PRKN: variants seen among roughly 807,000 people sequenced by gnomAD.
PRKN encodes the protein E3 ubiquitin-protein ligase parkin.
A neutral mutation model predicts 59.5 loss-of-function variants in PRKN; 56 were observed. The ratio of observed to expected loss-of-function variants is 0.94; its 90% confidence interval spans 0.76 to 1.18. The LOEUF (loss-of-function observed/expected upper bound fraction) is 1.18. Among genes scored for constraint, PRKN ranks in the 50% most tolerant of loss-of-function variants. The probability of loss-of-function intolerance (pLI) is 0.00; values close to 1 mark genes in which losing one functional copy is unlikely to be tolerated. For missense variants in PRKN, 657 were observed against 596.4 expected, an observed-to-expected ratio of 1.10 and a Z score of -1.06; for synonymous variants, 250 against 222.1, an observed-to-expected ratio of 1.13 and a Z score of -1.12.
At chr6:161,616,791 G>C (rs543000651) in intron 7 of PRKN, among the ~76,000 whole-genome samples, 1 of 152,222 alleles carries the variant, frequency 6.6e-6, no homozygotes, top group South Asian at 2.1e-4. Context: ...TGTCACATTT[G>C]CTTTATCCAG....
intron 2 of PRKN, among the ~76,000 whole-genome samples, chr6:162,382,584 C>T (rs888813481): frequency 3.3e-5 from 5 of 152,172 alleles, no homozygotes; most frequent in Admixed American, 6.5e-5. Context: ...CAACTGTAAT[C>T]TTTTTGCTCA....
At chr6:162,449,180 C>G (rs138785953) in intron 1 of PRKN, among the ~76,000 whole-genome samples, 1 of 152,182 alleles carries the variant, frequency 6.6e-6, no homozygotes, top group Non-Finnish European at 1.5e-5. Flanking sequence ...AGCCACCACA[C>G]CTGGCCCTCA....
rs1792197805 is a variant in PRKN, at chr6:161,825,361, TC to T, written c.735-39454del. ...TTTGCATTCTGTTTCTTAAAGAAGG[TC>T]TCCCAAATGGTGTAATTTAAGATCC... On this transcript the variant is annotated intron_variant, in intron 6 of 11. Transcript: ENST00000366898. 3.3e-5 allele frequency among the ~76,000 whole-genome samples: 5 copies of T among 152,056 alleles called. No homozygotes were observed. In the East Asian group the frequency reaches 9.7e-4, roughly 29 times the overall value.
At chr6:161,564,406 C>G (rs1389439157) in intron 8 of PRKN, among the ~76,000 whole-genome samples, 1 of 152,170 alleles carries the variant, frequency 6.6e-6, no homozygotes, top group Non-Finnish European at 1.5e-5. Context: ...CCAGCTGCCC[C>G]AAACCCTGAG....
intron 3 of PRKN, among the ~76,000 whole-genome samples, chr6:162,237,792 TA>T (rs11377179): frequency 0.018 from 2,585 of 145,672 alleles, 68 homozygotes; most frequent in African/African-American, 0.056. Context: ...GATATTTGGT[TA>T]AAAAAAAAAA....
At chr6:162,381,895 G>C (rs1210371021) in intron 2 of PRKN, among the ~76,000 whole-genome samples, 3 of 152,064 alleles carry the variant, frequency 2.0e-5, no homozygotes, top group Non-Finnish European at 4.4e-5. Context: ...AACAGAATAA[G>C]GAAAACTGCA....
At chr6:162,429,706 A>G (rs981361179) in intron 2 of PRKN, among the ~76,000 whole-genome samples, 4 of 152,098 alleles carry the variant, frequency 2.6e-5, no homozygotes, top group African/African-American at 7.2e-5. Flanking sequence ...TAAAGTCTGC[A>G]CTCAAATAGA....
intron 3 of PRKN, among the ~76,000 whole-genome samples, chr6:162,231,723 G>A (rs903993023): frequency 4.6e-5 from 7 of 152,192 alleles, no homozygotes; most frequent in African/African-American, 1.7e-4. Context: ...TTTTGGTATT[G>A]TGAAATTAGA....
intron 1 of PRKN, among the ~76,000 whole-genome samples, chr6:162,506,582 A>G (rs1043479522): frequency 6.6e-6 from 1 of 152,216 alleles, no homozygotes; most frequent in Non-Finnish European, 1.5e-5. Flanking sequence ...AAACATAAAC[A>G]CAGGGGCAGT....
intron 2 of PRKN, among the ~76,000 whole-genome samples, chr6:162,435,177 T>C (rs1269923409): frequency 6.6e-6 from 1 of 152,182 alleles, no homozygotes; most frequent in East Asian, 1.9e-4. Context: ...ATAAGATGCA[T>C]CCTATGTTAA....
intron 5 of PRKN, among the ~76,000 whole-genome samples, chr6:161,978,888 A>G (rs1321292689): frequency 6.6e-6 from 1 of 152,244 alleles, no homozygotes; most frequent in African/African-American, 2.4e-5. Context: ...GCAGCCGGGC[A>G]GTGTCCTCTT....
At chr6:162,311,551 T>G (rs1011608614) in intron 2 of PRKN, among the ~76,000 whole-genome samples, 1 of 150,882 alleles carries the variant, frequency 6.6e-6, no homozygotes, top group Non-Finnish European at 1.5e-5. Context: ...GGCACAATCT[T>G]GGCTCACTGC....
chr6:162,089,867 G>C (rs1205590824), intron 4 of PRKN, among the ~76,000 whole-genome samples: 1 of 152,174 alleles, frequency 6.6e-6, no homozygotes, highest in Non-Finnish European at 1.5e-5. Context: ...GTGGTAGCCA[G>C]GTACTCGGGG....
chr6:162,064,628 G>T (rs966424468), intron 4 of PRKN, among the ~76,000 whole-genome samples: 3 of 152,164 alleles, frequency 2.0e-5, no homozygotes, highest in Non-Finnish European at 4.4e-5. Flanking sequence ...TATGTGCTTT[G>T]CTGTGAATAG....
chr6:161,360,997 T>C lies in PRKN; in HGVS notation c.1168-792A>G, dbSNP rs950067245. 6.6e-6 allele frequency among the ~76,000 whole-genome samples: 1 copy of C among 152,204 alleles called. No individual in the cohort carries two copies. The highest frequency in any genetic ancestry group is 2.4e-5 in the African/African-American group (1 of 41,450). On this transcript the variant is annotated intron_variant, in intron 10 of 11. Transcript: ENST00000366898. This position sits in a 1 kb window ranked among gnomAD's most constrained non-coding sequence, Gnocchi z 5.1. ...TGACTCCAGTGTGGCAAGCTTTTAATACATTTGCTGACATTATTCATGTCA... is the reference window on the plus strand; with the variant it reads ...TGACTCCAGTGTGGCAAGCTTTTAACACATTTGCTGACATTATTCATGTCA...
At chr6:161,516,894 C>A (rs1334334603) in intron 9 of PRKN, among the ~76,000 whole-genome samples, 4 of 150,560 alleles carry the variant, frequency 2.7e-5, no homozygotes, top group African/African-American at 9.8e-5. Context: ...AATAAGCCAC[C>A]ATTTCAGTGG....
chr6:162,186,433 G>A (rs1475171055), intron 4 of PRKN, among the ~76,000 whole-genome samples: 2 of 150,716 alleles, frequency 1.3e-5, no homozygotes, highest in Non-Finnish European at 3.0e-5. Context: ...TTGGTTTGTT[G>A]GAGTGAGTGG....
At chr6:161,887,938 TA>T (rs1472347500) in intron 6 of PRKN, among the ~76,000 whole-genome samples, 1 of 152,240 alleles carries the variant, frequency 6.6e-6, no homozygotes, top group Non-Finnish European at 1.5e-5. Context: ...GAATTTGTTT[TA>T]AAAAATAATT....
intron 6 of PRKN, among the ~76,000 whole-genome samples, chr6:161,946,409 C>CAT (rs1779776823): frequency 1.0e-5 from 1 of 97,504 alleles, no homozygotes; most frequent in Non-Finnish European, 2.3e-5. Flanking sequence ...CACACACACA[C>CAT]ACACACTCTC....
Sources: allele counts gnomAD v4.1 joint callset (sites outside exome capture counted in the v4.1 genomes callset), GRCh38; gene constraint gnomAD v4.1.1; non-coding constraint Gnocchi (gnomAD v3.1); transcripts MANE v1.5; gene names NCBI Gene and HGNC (gene_info 2026-07-23, HGNC 2026-07-21).